Variants in SPOP observed in about 807,000 individuals in gnomAD.
SPOP encodes the protein speckle type BTB/POZ protein, also known as speckle-type POZ protein.
In SPOP, 11 loss-of-function variants were observed where a neutral mutation model predicts 45.6. The ratio of observed to expected loss-of-function variants is 0.24; its 90% CI spans 0.15 to 0.40. The LOEUF (loss-of-function observed/expected upper bound fraction) is 0.40, where lower values mean the gene tolerates loss of function less well. SPOP is among the 10% of genes least tolerant of loss of function. SPOP has a pLI of 1.00. For missense variants in SPOP, 152 were observed against 465.6 expected (o/e 0.33, Z 6.20); for synonymous variants, 166 against 166.3 (o/e 1.00, Z 0.01).
At chr17:49,676,459 T>C (rs1023175219) in intron 1 of SPOP, among the ~76,000 whole-genome samples, 1 of 152,142 alleles carries the variant, frequency 6.6e-6, no homozygotes, top group Non-Finnish European at 1.5e-5. Context: ...ATACATATAC[T>C]TTAAGGCCCA....
intron 1 of SPOP, among the ~76,000 whole-genome samples, chr17:49,635,614 T>C (rs1000250452): frequency 2.6e-5 from 4 of 151,526 alleles, no homozygotes; most frequent in Non-Finnish European, 4.4e-5. Flanking sequence ...AGCCTACAAA[T>C]TTCTTTAAGG....
In SPOP at chr17:49,611,265, T is replaced by G; in HGVS notation, c.658+15A>C. ...TTCACCAAAACTATAAAATTCCTCA[T>G]GAATAAATACCAACCTGCTAAGATA... On this transcript the variant is annotated intron_variant, in intron 6 of 9. Coordinates refer to ENST00000504102, the MANE Select transcript of SPOP (RefSeq NM_001007228.2). The G allele has an allele frequency of 6.2e-7, 1 of 1,602,818 alleles. No homozygotes were observed. Among genetic ancestry groups the G allele is most frequent in the Non-Finnish European group, 8.5e-7 (1 of 1,174,414 alleles).
At chr17:49,644,624 A>C (rs2072720070) in intron 1 of SPOP, among the ~76,000 whole-genome samples, 1 of 152,220 alleles carries the variant, frequency 6.6e-6, no homozygotes, top group Admixed American at 6.5e-5. Flanking sequence ...CTGTATAATA[A>C]AAACAAAACA....
At chr17:49,624,335 A>ATG (rs2072284626) in intron 1 of SPOP, among the ~76,000 whole-genome samples, 1 of 81,734 alleles carries the variant, frequency 1.2e-5, no homozygotes, top group African/African-American at 4.1e-5. Context: ...GCGCGCGCAC[A>ATG]CACACACACA....
intron 1 of SPOP, among the ~76,000 whole-genome samples, chr17:49,665,653 C>CAT (rs1296920826): frequency 3.2e-5 from 2 of 61,832 alleles, no homozygotes; most frequent in Non-Finnish European, 2.8e-5. Flanking sequence ...TATACAGACA[C>CAT]ACACACACAC....
chr17:49,617,959 A>G (rs954062697), intron 5 of SPOP, among the ~76,000 whole-genome samples: 2 of 151,806 alleles, frequency 1.3e-5, no homozygotes, highest in African/African-American at 4.8e-5. Context: ...AAAGCAATAC[A>G]TAAGCCTGCT....
chr17:49,674,654 G>C (rs576421815), intron 1 of SPOP, among the ~76,000 whole-genome samples: 1 of 152,252 alleles, frequency 6.6e-6, no homozygotes, highest in East Asian at 1.9e-4. Context: ...TTTCTCACCA[G>C]AATAACAGCA....
Position 49,677,927 on chromosome 17 carries a change from A to C in SPOP, c.-67+6T>G. ...CCCCTCCCTCGACTCTCCTCCCCCCACTCACCTGAGAGCGGCGGCGACAGC... is the reference window on the plus strand; with the variant it reads ...CCCCTCCCTCGACTCTCCTCCCCCCCCTCACCTGAGAGCGGCGGCGACAGC... On this transcript the variant is annotated splice_donor_region_variant and intron_variant, in intron 1 of 9. Transcript: ENST00000504102. 5.8e-5 allele frequency: 2 copies of C among 34,562 alleles called. No homozygotes were observed. Among genetic ancestry groups the C allele is most frequent in the Non-Finnish European group, 1.1e-4 (2 of 18,696 alleles). The allele number at this position is 34,562 out of a possible 1,614,324, so 2.1% of individuals were successfully genotyped here. A position where few individuals can be genotyped will look rare whatever the true frequency, so the allele number is the denominator to read the frequency against.
intron 8 of SPOP, 32 bp from the exon 9 acceptor site, chr17:49,602,039 C>T: frequency 5.0e-6 from 8 of 1,611,882 alleles, no homozygotes; most frequent in Non-Finnish European, 6.8e-6. Context: ...GTCATCAGAG[C>T]AGCAATAGTT....
intron 5 of SPOP, among the ~76,000 whole-genome samples, chr17:49,616,413 A>T (rs371019424): frequency 2.0e-5 from 3 of 152,326 alleles, no homozygotes; most frequent in Admixed American, 1.3e-4. Context: ...CTATCTGGAC[A>T]TCAACTTCAT....
At chr17:49,678,126 G>T (rs1048493666), upstream of SPOP, 4 of 395,490 alleles carry the variant, frequency 1.0e-5, no homozygotes, top group Non-Finnish European at 1.8e-5. Context: ...CGCAGCCAGC[G>T]CGTACCGCCA....
intron 5 of SPOP, among the ~76,000 whole-genome samples, chr17:49,616,638 A>AC (rs950086083): frequency 6.6e-6 from 1 of 151,866 alleles, no homozygotes; most frequent in African/African-American, 2.4e-5. Flanking sequence ...TCCAATACAC[A>AC]CCCCCACGCA....
At chr17:49,633,044 CTGAACTACT>C (rs2072481428) in intron 1 of SPOP, among the ~76,000 whole-genome samples, 1 of 152,182 alleles carries the variant, frequency 6.6e-6, no homozygotes, top group African/African-American at 2.4e-5. Flanking sequence ...TAATTAAGAG[CTGAACTACT>C]TTGTAACTGT....
At chr17:49,677,837 G>C in intron 1 of SPOP, 96 bp downstream of exon 1, 1 of 393,392 alleles carries the variant, frequency 2.5e-6, no homozygotes. Context: ...GGCGGGGGGT[G>C]GGGGGACAGT....
chr17:49,611,546 T>A, intron 5 of SPOP, 89 bp from the exon 6 acceptor site: 2 of 1,107,366 alleles, frequency 1.8e-6, no homozygotes, highest in South Asian at 1.3e-5. Context: ...ACTGCTGTAG[T>A]ACATTCAGAT....
chr17:49,651,006 A>G (rs765130201), intron 1 of SPOP, among the ~76,000 whole-genome samples: 1 of 152,240 alleles, frequency 6.6e-6, no homozygotes, highest in Non-Finnish European at 1.5e-5. Flanking sequence ...TAATACACAC[A>G]GGAAGCCAGC....
intron 1 of SPOP, chr17:49,636,347 C>T (rs530031192): frequency 1.6e-4 from 25 of 152,178 alleles, no homozygotes; most frequent in African/African-American, 5.5e-4. Flanking sequence ...CTAAGGTTTC[C>T]GTATCATATA....
chr17:49,625,396 G>C (rs2072309040), intron 1 of SPOP, among the ~76,000 whole-genome samples: 1 of 152,160 alleles, frequency 6.6e-6, no homozygotes, highest in Non-Finnish European at 1.5e-5. Context: ...ATTACCTGGG[G>C]TTGGGAGTTC....
intron 8 of SPOP, among the ~76,000 whole-genome samples, chr17:49,604,484 A>C (rs2071798896): frequency 6.6e-6 from 1 of 152,232 alleles, no homozygotes; most frequent in South Asian, 2.1e-4. Flanking sequence ...CTCTGTCCTC[A>C]GGCACAAAGG....
Sources: gnomAD v4.1 joint callset for allele counts (sites outside exome capture counted in the v4.1 genomes callset) on GRCh38, gnomAD v4.1.1 for gene constraint, MANE v1.5 for transcripts, NCBI Gene and HGNC (gene_info 2026-07-23, HGNC 2026-07-21) for gene names.